PUS7: variants seen among roughly 807,000 people sequenced by gnomAD.
The protein encoded by PUS7 is pseudouridylate synthase 7 homolog.
A neutral mutation model predicts 79.8 loss-of-function variants in PUS7; 48 were observed. The observed-to-expected ratio is 0.60, with a 90% confidence interval of 0.48 to 0.76. The LOEUF (loss-of-function observed/expected upper bound fraction) is 0.76. Ranked by LOEUF, PUS7 falls within the 30% of genes least tolerant of loss-of-function variation. PUS7 has a pLI of 0.00. For synonymous variants in PUS7, 286 were observed against 272.2 expected (o/e 1.05, Z -0.50); for missense variants, 729 against 797.6 (o/e 0.91, Z 1.04).
intron 7 of PUS7, among the ~76,000 whole-genome samples, chr7:105,484,077 A>G (rs1210188549): frequency 1.3e-5 from 2 of 152,202 alleles, no homozygotes; most frequent in South Asian, 2.1e-4. Flanking sequence ...TCCAACAATG[A>G]TAATAACTTT....
At chr7:105,481,282 T>G in intron 8 of PUS7, 105 bp from the exon 9 acceptor site, 1 of 878,462 alleles carries the variant, frequency 1.1e-6, no homozygotes, top group Non-Finnish European at 1.6e-6. Flanking sequence ...TCGTTCACTC[T>G]CCTGCAGCTT....
At chr7:105,482,512 C>A in intron 7 of PUS7, 72 bp from the exon 8 acceptor site, 1 of 1,472,466 alleles carries the variant, frequency 6.8e-7, no homozygotes, top group Non-Finnish European at 9.2e-7. Context: ...TGATTGTCTG[C>A]TTGGAACAGT....
chr7:105,500,009 G>T (rs564638809), intron 5 of PUS7, among the ~76,000 whole-genome samples: 22 of 152,236 alleles, frequency 1.4e-4, no homozygotes, highest in Admixed American at 1.2e-3. Context: ...CTATAAAAAT[G>T]AATGCAGGCT....
At chr7:105,467,034 G>GTTTTTTTTT (rs56177512) in intron 12 of PUS7, among the ~76,000 whole-genome samples, 22 of 70,696 alleles carry the variant, frequency 3.1e-4, no homozygotes, top group South Asian at 7.1e-4. Flanking sequence ...AGTTTTTTCT[G>GTTTTTTTTT]TTTTTTTTTT....
At chr7:105,519,817 G>T (rs961896901) in intron 1 of PUS7, among the ~76,000 whole-genome samples, 5 of 152,168 alleles carry the variant, frequency 3.3e-5, no homozygotes, top group African/African-American at 1.2e-4. Flanking sequence ...CTCGTCTAAG[G>T]AGGAGACTTC....
At chr7:105,481,753 T>C (rs1824330084) in intron 8 of PUS7, among the ~76,000 whole-genome samples, 1 of 151,598 alleles carries the variant, frequency 6.6e-6, no homozygotes, top group Non-Finnish European at 1.5e-5. Flanking sequence ...TTTTTTGAGT[T>C]GGAGTCTCAC....
chr7:105,521,628 G>A (rs1359709587), intron 1 of PUS7, among the ~76,000 whole-genome samples: 1 of 152,202 alleles, frequency 6.6e-6, no homozygotes, highest in Non-Finnish European at 1.5e-5. Context: ...GCGCGGCGAA[G>A]CAGTGGCACC....
At chr7:105,517,455 C>G (rs188349781) in intron 1 of PUS7, among the ~76,000 whole-genome samples, 25 of 152,342 alleles carry the variant, frequency 1.6e-4, no homozygotes, top group Non-Finnish European at 3.1e-4. Context: ...GCCACCACGC[C>G]TGGCCAATCC....
intron 14 of PUS7, among the ~76,000 whole-genome samples, chr7:105,461,956 T>C (rs1036673938): frequency 2.0e-5 from 3 of 151,940 alleles, no homozygotes; most frequent in African/African-American, 2.4e-5. Context: ...GGTGGGAGGA[T>C]TGCTTGAGCA....
intron 1 of PUS7, among the ~76,000 whole-genome samples, chr7:105,509,261 C>T (rs778277074): frequency 5.5e-5 from 8 of 146,228 alleles, no homozygotes; most frequent in African/African-American, 1.5e-4. Flanking sequence ...GTTGTTCATA[C>T]GATCCTAAAA....
At chr7:105,521,046 C>G (rs560958499) in intron 1 of PUS7, among the ~76,000 whole-genome samples, 18 of 152,084 alleles carry the variant, frequency 1.2e-4, no homozygotes, top group Admixed American at 2.6e-4. Flanking sequence ...AAACCAAAAA[C>G]ATGTTCACAA....
intron 7 of PUS7, among the ~76,000 whole-genome samples, chr7:105,490,839 T>C (rs1215482612): frequency 6.6e-6 from 1 of 152,212 alleles, no homozygotes; most frequent in Non-Finnish European, 1.5e-5. Flanking sequence ...CCTCAGGGAA[T>C]ATCTGACAAT....
intron 9 of PUS7, among the ~76,000 whole-genome samples, chr7:105,478,545 G>C (rs570746421): frequency 1.6e-4 from 25 of 152,162 alleles, no homozygotes; most frequent in African/African-American, 5.3e-4. Context: ...GTTTTGATTT[G>C]CATTTCCTAA....
chr7:105,487,911 G>A lies in PUS7; in HGVS notation c.920+3629C>T, dbSNP rs569044894. On this transcript the variant is annotated intron_variant, in intron 7 of 15. Transcript: ENST00000469408. ...AGACGTGCTGCTTATCCCCAGGACC[G>A]ATCAATCCAGCAGTCATTCAAATGC... Among the ~76,000 whole-genome samples, 104 of 152,280 alleles carry A rather than the reference G, an allele frequency of 6.8e-4. No individual in the cohort carries two copies. In the South Asian group the frequency reaches 0.013, roughly 19 times the overall value.
intron 9 of PUS7, among the ~76,000 whole-genome samples, chr7:105,473,059 C>T (rs1476016061): frequency 6.6e-6 from 1 of 151,962 alleles, no homozygotes; most frequent in East Asian, 1.9e-4. Flanking sequence ...CCGTGCCCGG[C>T]CCACATGGTA....
At chr7:105,485,335 G>A (rs777361049) in intron 7 of PUS7, among the ~76,000 whole-genome samples, 13 of 151,898 alleles carry the variant, frequency 8.6e-5, no homozygotes, top group Non-Finnish European at 1.9e-4. Context: ...TCGGCCTCCC[G>A]AGTAGCTGGG....
At chr7:105,505,862 T>G in intron 4 of PUS7, 93 bp downstream of exon 4, 2 of 1,029,160 alleles carry the variant, frequency 1.9e-6, no homozygotes, top group Non-Finnish European at 2.9e-6. Flanking sequence ...CACCCTTTGT[T>G]AACCATTGTA....
intron 7 of PUS7, among the ~76,000 whole-genome samples, chr7:105,486,904 A>G (rs890870768): frequency 5.3e-5 from 8 of 151,912 alleles, no homozygotes; most frequent in African/African-American, 1.9e-4. Context: ...TACTAAAAAT[A>G]CAAAAATTGG....
intron 7 of PUS7, among the ~76,000 whole-genome samples, chr7:105,487,014 T>G (rs978033970): frequency 1.3e-5 from 2 of 152,024 alleles, no homozygotes; most frequent in African/African-American, 4.8e-5. Context: ...GAGCCGAGAT[T>G]GTGCCACTTG....
Sources: gnomAD v4.1 joint callset for allele counts (sites outside exome capture counted in the v4.1 genomes callset) on GRCh38, gnomAD v4.1.1 for gene constraint, MANE v1.5 for transcripts, NCBI Gene and HGNC (gene_info 2026-07-23, HGNC 2026-07-21) for gene names.